The following ERBB4 variants were observed in gnomAD, a reference collection of about 807,000 sequenced individuals.
ERBB4 encodes receptor tyrosine-protein kinase erbB-4.
Under a neutral mutation model 158.0 loss-of-function variants are expected in ERBB4, and 42 were observed. That is an observed-to-expected ratio of 0.27 (90% CI 0.21 to 0.34). The LOEUF (loss-of-function observed/expected upper bound fraction) is 0.34, where lower values mean the gene tolerates loss of function less well. Among genes scored for constraint, ERBB4 ranks in the 10% least tolerant of loss-of-function variants. The pLI, the probability that ERBB4 is intolerant of heterozygous loss-of-function variation, is 1.00. For missense variants in ERBB4, 1,333 were observed against 1,624.1 expected (o/e 0.82, Z 3.08); for synonymous variants, 583 against 558.7 (o/e 1.04, Z -0.61).
intron 1 of ERBB4, among the ~76,000 whole-genome samples, chr2:212,219,955 CAAA>C (rs11387376): frequency 7.2e-6 from 1 of 138,758 alleles, no homozygotes; most frequent in African/African-American, 2.7e-5. Context: ...TATCAACCCG[CAAA>C]AAAAAAAAAA....
intron 20 of ERBB4, among the ~76,000 whole-genome samples, chr2:211,513,357 C>CAAAAAAAAAA (rs61042785): frequency 7.7e-5 from 3 of 39,176 alleles, no homozygotes; most frequent in Admixed American, 3.2e-4. Flanking sequence ...GACTCCGTCT[C>CAAAAAAAAAA]AAAAAAAAAA....
intron 2 of ERBB4, among the ~76,000 whole-genome samples, chr2:212,014,721 T>C (rs2076468030): frequency 6.6e-6 from 1 of 152,080 alleles, no homozygotes; most frequent in South Asian, 2.1e-4. Context: ...TCAACCATTC[T>C]TCCTGTTTAA....
intron 2 of ERBB4, among the ~76,000 whole-genome samples, chr2:212,082,481 CT>C (rs1374176587): frequency 1.3e-5 from 2 of 152,094 alleles, no homozygotes; most frequent in Non-Finnish European, 1.5e-5. Context: ...CATTTGCATA[CT>C]TTGGCACAGT....
intron 1 of ERBB4, among the ~76,000 whole-genome samples, chr2:212,428,852 T>C (rs549342564): frequency 1.3e-5 from 2 of 152,028 alleles, no homozygotes; most frequent in South Asian, 4.1e-4. Context: ...TCTGTAGGCA[T>C]AACAGATAGA....
Position 212,147,157 on chromosome 2 carries a change from A to ATTTTTTTTTTTT in ERBB4, c.83-22266_83-22255dup, listed in dbSNP as rs71397161. On this transcript the variant is annotated intron_variant, in intron 1 of 27. Coordinates refer to ENST00000342788, the MANE Select transcript of ERBB4 (RefSeq NM_005235.3). ...AGGGGCATGCCACCATGCCCAGCTA[A>ATTTTTTTTTTTT]TTTTTTTTTTTTTTTTTTTTTTTTT... 7.6e-4 allele frequency among the ~76,000 whole-genome samples: 26 copies of ATTTTTTTTTTTT among 34,262 alleles called. 2 individuals are homozygous for ATTTTTTTTTTTT. Among genetic ancestry groups the ATTTTTTTTTTTT allele is most frequent in the Non-Finnish European group, 9.4e-4 (18 of 19,132 alleles). 22.5% of individuals were successfully genotyped at this position (34,262 alleles called of 152,430 possible). A position where few individuals can be genotyped will look rare whatever the true frequency, so the allele number is the denominator to read the frequency against.
intron 19 of ERBB4, among the ~76,000 whole-genome samples, chr2:211,571,123 A>G (rs1477336489): frequency 7.0e-6 from 1 of 143,592 alleles, no homozygotes; most frequent in Non-Finnish European, 1.5e-5. Context: ...GCTCATTGCA[A>G]CCTCCGCCTC....
intron 2 of ERBB4, among the ~76,000 whole-genome samples, chr2:212,085,430 C>T (rs1048910413): frequency 1.3e-5 from 2 of 151,702 alleles, no homozygotes; most frequent in Non-Finnish European, 2.9e-5. Context: ...TAAATAAAAG[C>T]TTTTGATAAT....
chr2:212,371,466 T>C (rs73056508), intron 1 of ERBB4, among the ~76,000 whole-genome samples: 3,785 of 151,676 alleles, frequency 0.025, 171 homozygotes, highest in African/African-American at 0.086. Flanking sequence ...TGCTGGTTTC[T>C]TTCTTTCTCA....
chr2:211,862,646 A>G (rs1242487445), intron 3 of ERBB4, among the ~76,000 whole-genome samples: 2 of 152,222 alleles, frequency 1.3e-5, no homozygotes, highest in Non-Finnish European at 1.5e-5. Flanking sequence ...TTCTAAATAT[A>G]TAGTAAAGAT....
intron 19 of ERBB4, among the ~76,000 whole-genome samples, chr2:211,592,004 G>A (rs183117542): frequency 3.3e-4 from 50 of 152,292 alleles, no homozygotes; most frequent in African/African-American, 1.1e-3. Flanking sequence ...AAATTCTCTC[G>A]GCCCCGAAGA....
chr2:211,658,090 C>G, intron 15 of ERBB4: 1 of 847,102 alleles, frequency 1.2e-6, no homozygotes, highest in Non-Finnish European at 1.8e-6. Flanking sequence ...ATTCTTATAA[C>G]TATTAGACTA....
chr2:211,946,411 A>G (rs1173214360), intron 3 of ERBB4, among the ~76,000 whole-genome samples: 1 of 151,894 alleles, frequency 6.6e-6, no homozygotes, highest in Non-Finnish European at 1.5e-5. Context: ...TAAACTGCTT[A>G]ATTTTTCAAT....
At chr2:211,427,740 T>G (rs2063660447) in intron 22 of ERBB4, among the ~76,000 whole-genome samples, 1 of 152,126 alleles carries the variant, frequency 6.6e-6, no homozygotes, top group Non-Finnish European at 1.5e-5. Flanking sequence ...TTGTTTTTGT[T>G]TGAATATTTA....
chr2:211,712,883 G>C (rs374664399), intron 8 of ERBB4, among the ~76,000 whole-genome samples: 5 of 151,942 alleles, frequency 3.3e-5, no homozygotes, highest in African/African-American at 1.2e-4. Context: ...CTTTTCTAGG[G>C]CACTCCCTGA....
chr2:211,404,167 A>G (rs2063101296), intron 25 of ERBB4, among the ~76,000 whole-genome samples: 1 of 152,036 alleles, frequency 6.6e-6, no homozygotes, highest in Non-Finnish European at 1.5e-5. Flanking sequence ...TATTTTTGCA[A>G]CTGCCCTACC....
At chr2:211,900,013 G>C (rs919159548) in intron 3 of ERBB4, among the ~76,000 whole-genome samples, 1 of 152,138 alleles carries the variant, frequency 6.6e-6, no homozygotes, top group Non-Finnish European at 1.5e-5. Context: ...CTAGAGTGCA[G>C]TTTTAATGCC....
At chr2:212,518,093 A>G in intron 1 of ERBB4, among the ~76,000 whole-genome samples, 1 of 152,102 alleles carries the variant, frequency 6.6e-6, no homozygotes, top group East Asian at 1.9e-4. Flanking sequence ...TACAAGATAC[A>G]TATTTAATTT....
At position 212,381,560 on chromosome 2, in the gene ERBB4, A is replaced by T. The variant is rs189389989; in HGVS notation, c.82+156889T>A. On this transcript the variant is annotated intron_variant, in intron 1 of 27. Transcript: ENST00000342788. ...TCCAAGCAATTGCAGCCTGTCTTCA[A>T]ATACCACCAAATCAACCATTTTGAG... Among the ~76,000 whole-genome samples the T allele has an allele frequency of 4.0e-5, 6 of 151,436 alleles. No individual in the cohort carries two copies. In the East Asian group the frequency reaches 1.2e-3, roughly 29 times the overall value.
intron 4 of ERBB4, among the ~76,000 whole-genome samples, chr2:211,775,409 ATGTC>A (rs1195214013): frequency 1.3e-5 from 2 of 152,110 alleles, no homozygotes; most frequent in East Asian, 1.9e-4. Flanking sequence ...TTACTGTACT[ATGTC>A]TATTGCACCA....
Sources: gnomAD v4.1 joint callset for allele counts (sites outside exome capture counted in the v4.1 genomes callset) on GRCh38, gnomAD v4.1.1 for gene constraint, MANE v1.5 for transcripts, NCBI Gene and HGNC (gene_info 2026-07-23, HGNC 2026-07-21) for gene names.